Variants in SCNN1B observed in about 807,000 individuals in gnomAD.
SCNN1B encodes sodium channel epithelial 1 subunit beta, also known as epithelial sodium channel subunit beta.
SCNN1B carries 46 observed loss-of-function variants against 65.3 expected under a neutral mutation model. That is an observed-to-expected ratio of 0.70 (90% CI 0.56 to 0.90). The LOEUF (loss-of-function observed/expected upper bound fraction) is 0.90. Among genes scored for constraint, SCNN1B ranks in the 40% least tolerant of loss-of-function variants. SCNN1B has a pLI of 0.00. For synonymous variants in SCNN1B, 349 were observed against 330.6 expected (o/e 1.06, Z -0.60); for missense variants, 751 against 830.5 (o/e 0.90, Z 1.18).
chr16:23,336,166 G>A (rs1157833773), intron 1 of SCNN1B, among the ~76,000 whole-genome samples: 1 of 152,172 alleles, frequency 6.6e-6, no homozygotes, highest in African/African-American at 2.4e-5. Flanking sequence ...CACCATGACT[G>A]TGGGTAAGTC....
intron 4 of SCNN1B, among the ~76,000 whole-genome samples, chr16:23,359,625 T>A (rs758741758): frequency 2.6e-5 from 4 of 152,154 alleles, no homozygotes; most frequent in Non-Finnish European, 4.4e-5. Flanking sequence ...TCTGACTCCA[T>A]CCTGTCCCCC....
intron 2 of SCNN1B, among the ~76,000 whole-genome samples, chr16:23,285,732 G>C (rs1434617389): frequency 6.6e-6 from 1 of 152,204 alleles, no homozygotes; most frequent in South Asian, 2.1e-4. Context: ...CCAACACTTT[G>C]GGAGGCCAAG....
chr16:23,352,783 A>AT lies in SCNN1B; in HGVS notation c.312-18_312-17insT. 1 of 1,613,978 alleles carries AT rather than the reference A, an allele frequency of 6.2e-7. No individual in the cohort carries two copies. Among genetic ancestry groups the AT allele is most frequent in the Non-Finnish European group, 8.5e-7 (1 of 1,179,964 alleles). On this transcript the variant is annotated splice_polypyrimidine_tract_variant and intron_variant, in intron 2 of 12. Transcript: ENST00000343070. The stretch of plus-strand genomic sequence containing the variant: ...AGATATGCATTCCTTCCCCCTAACC[A>AT]GCCCTCTCCCCATCCAGGTATTCCA...
intron 1 of SCNN1B, among the ~76,000 whole-genome samples, chr16:23,280,424 A>G (rs141288646): frequency 6.6e-6 from 1 of 152,044 alleles, no homozygotes; most frequent in Admixed American, 6.6e-5. Flanking sequence ...GGATTTCCCC[A>G]TGTTGCCCAG....
intron 2 of SCNN1B, among the ~76,000 whole-genome samples, chr16:23,284,928 G>C (rs1332778599): frequency 6.6e-6 from 1 of 152,178 alleles, no homozygotes; most frequent in East Asian, 1.9e-4. Flanking sequence ...GGGCTGGAAA[G>C]CAAAGAAGCT....
chr16:23,304,464 C>G (rs1961152890), intron 1 of SCNN1B, among the ~76,000 whole-genome samples: 1 of 152,232 alleles, frequency 6.6e-6, no homozygotes, highest in Non-Finnish European at 1.5e-5. Flanking sequence ...GGCTGAGACT[C>G]AGCCAGGCCA....
chr16:23,324,026 C>A (rs1413528476), intron 1 of SCNN1B, among the ~76,000 whole-genome samples: 1 of 151,992 alleles, frequency 6.6e-6, no homozygotes. Context: ...CACTGAAAAC[C>A]AAACAAAAAC....
chr16:23,298,265 G>A (rs745477204), upstream of SCNN1B, among the ~76,000 whole-genome samples: 12 of 152,112 alleles, frequency 7.9e-5, no homozygotes, highest in Non-Finnish European at 1.5e-4. Context: ...TTAATGCAGG[G>A]CAGGTTCTTG....
intron 1 of SCNN1B, among the ~76,000 whole-genome samples, chr16:23,307,558 G>T (rs1324007385): frequency 6.6e-6 from 1 of 152,054 alleles, no homozygotes. Context: ...GACCTCAGGT[G>T]ATCTGCCCAC....
At chr16:23,343,251 G>A (rs1010235594) in intron 1 of SCNN1B, among the ~76,000 whole-genome samples, 18 of 151,420 alleles carry the variant, frequency 1.2e-4, no homozygotes, top group African/African-American at 3.6e-4. Flanking sequence ...TCAGGAGATC[G>A]AGACCAGCCT....
At chr16:23,306,964 G>A (rs1026380446) in intron 1 of SCNN1B, among the ~76,000 whole-genome samples, 12 of 152,274 alleles carry the variant, frequency 7.9e-5, no homozygotes, top group Non-Finnish European at 7.4e-5. Flanking sequence ...CCCTGTAGTC[G>A]TCATAATGCC....
At chr16:23,337,538 C>T (rs1179196006) in intron 1 of SCNN1B, among the ~76,000 whole-genome samples, 2 of 151,680 alleles carry the variant, frequency 1.3e-5, no homozygotes, top group Admixed American at 6.6e-5. Flanking sequence ...TCACCATGCC[C>T]GGCTAATTTT....
rs1962708226 is a variant in SCNN1B, at chr16:23,368,047, G to A, written c.880+88G>A. ...CTGAAAGACCATCAGCTGTTGCAGG[G>A]TGGGACTGAGGGGGGACCAAGGCAT... On this transcript the variant is annotated intron_variant, in intron 5 of 12. Transcript: ENST00000343070. The A allele has an allele frequency of 2.8e-6, 3 of 1,065,916 alleles. No homozygotes were observed. The Admixed American group carries it at 5.2e-5, about 18-fold the overall frequency. 66.0% of individuals were successfully genotyped at this position (1,065,916 alleles called of 1,614,324 possible). A position where few individuals can be genotyped will look rare whatever the true frequency, so the allele number is the denominator to read the frequency against.
In SCNN1B at chr16:23,380,519, T is replaced by C; in HGVS notation, c.1641T>C (p.Phe547=). 1 of 1,614,220 alleles carries C rather than the reference T, an allele frequency of 6.2e-7. No homozygotes were observed. The highest frequency in any genetic ancestry group is 8.5e-7 in the Non-Finnish European group (1 of 1,180,022). ...LIEFGEIIID[F]VWITIIKLVA... is the part of the protein sequence containing the mutation. ...AGTTTGGGGAGATCATCATCGACTT[T>C]GTGTGGATCACCATCATCAAGCTGG... Residue 547 remains phenylalanine, a synonymous_variant, in exon 13 of 13, where the codon TTT becomes TTC. Transcript: ENST00000343070. The surrounding 1 kb of genome is among the most constrained non-coding windows in gnomAD (Gnocchi z 5.4).
chr16:23,291,688 C>T (rs928623653), intron 2 of SCNN1B, among the ~76,000 whole-genome samples: 17 of 151,532 alleles, frequency 1.1e-4, no homozygotes. Flanking sequence ...GATCCTCTTG[C>T]CTCAGTGTTT....
intron 2 of SCNN1B, among the ~76,000 whole-genome samples, chr16:23,350,115 C>A (rs1962278185): frequency 6.6e-6 from 1 of 152,086 alleles, no homozygotes; most frequent in African/African-American, 2.4e-5. Context: ...CACTCTTCAA[C>A]AAATGCTTAT....
upstream of SCNN1B, among the ~76,000 whole-genome samples, chr16:23,300,334 G>A (rs530445878): frequency 8.4e-4 from 128 of 151,824 alleles, no homozygotes; most frequent in Non-Finnish European, 1.1e-3. Flanking sequence ...AGAACTTAAA[G>A]TATAATAATA....
chr16:23,278,407 A>AGTTTT (rs951971018), intron 1 of SCNN1B: 2 of 151,772 alleles, frequency 1.3e-5, no homozygotes, highest in African/African-American at 4.9e-5. Flanking sequence ...GATGATCTGT[A>AGTTTT]GTTTTGTTTT....
intron 1 of SCNN1B, among the ~76,000 whole-genome samples, chr16:23,321,094 G>A (rs973792017): frequency 6.6e-6 from 1 of 152,112 alleles, no homozygotes; most frequent in African/African-American, 2.4e-5. Context: ...GCCCAGACTG[G>A]AGTGCAGTGG....
Sources: allele counts gnomAD v4.1 joint callset (sites outside exome capture counted in the v4.1 genomes callset), GRCh38; gene constraint gnomAD v4.1.1; non-coding constraint Gnocchi (gnomAD v3.1); transcripts MANE v1.5; gene names NCBI Gene and HGNC (gene_info 2026-07-23, HGNC 2026-07-21).